The following KCNN2 variants were observed in gnomAD, a reference collection of about 807,000 sequenced individuals.
KCNN2 encodes small conductance calcium-activated potassium channel protein 2.
Under a neutral mutation model 55.5 loss-of-function variants are expected in KCNN2, and 24 were observed. The ratio of observed to expected loss-of-function variants is 0.43; its 90% CI spans 0.31 to 0.61. The LOEUF is 0.61. Among genes scored for constraint, KCNN2 ranks in the 20% least tolerant of loss-of-function variants. The pLI, the probability that KCNN2 is intolerant of heterozygous loss-of-function variation, is 0.08. For synonymous variants in KCNN2, 431 were observed against 336.1 expected (o/e 1.28, Z -3.09); for missense variants, 754 against 853.6 (o/e 0.88, Z 1.45).
At chr5:114,248,814 G>A (rs1754800225) in intron 2 of KCNN2, among the ~76,000 whole-genome samples, 1 of 152,040 alleles carries the variant, frequency 6.6e-6, no homozygotes, top group Non-Finnish European at 1.5e-5. Context: ...ATTTTTTTAA[G>A]TTGCCCCTAT....
intron 1 of KCNN2, among the ~76,000 whole-genome samples, chr5:114,151,501 G>A (rs1752522941): frequency 1.3e-5 from 2 of 151,552 alleles, no homozygotes; most frequent in Admixed American, 6.6e-5. Flanking sequence ...TCTTTCCATG[G>A]CAATTTCAGT....
At chr5:114,242,692 A>T (rs544066008) in intron 2 of KCNN2, among the ~76,000 whole-genome samples, 1 of 152,324 alleles carries the variant, frequency 6.6e-6, no homozygotes, top group Non-Finnish European at 1.5e-5. Flanking sequence ...ATCGATCTCT[A>T]GGTATTGGTA....
At chr5:114,429,634 G>A (rs62379173) in intron 3 of KCNN2, among the ~76,000 whole-genome samples, 11,131 of 151,946 alleles carry the variant, frequency 0.073, 509 homozygotes, top group Non-Finnish European at 0.098. Context: ...GTTTTCTTCC[G>A]TGGATTGTGC....
At chr5:114,076,349 T>C (rs1393247464) in intron 1 of KCNN2, among the ~76,000 whole-genome samples, 1 of 152,220 alleles carries the variant, frequency 6.6e-6, no homozygotes. Flanking sequence ...ATCCAACTCA[T>C]TTTGGGATCT....
chr5:114,077,840 G>A (rs1386463), intron 1 of KCNN2, among the ~76,000 whole-genome samples: 4 of 151,982 alleles, frequency 2.6e-5, no homozygotes, highest in African/African-American at 9.7e-5. Flanking sequence ...ATCAGAGAAG[G>A]GGGGTGGTGA....
intron 7 of KCNN2, among the ~76,000 whole-genome samples, chr5:114,494,713 G>A (rs945149788): frequency 4.0e-5 from 6 of 151,800 alleles, no homozygotes; most frequent in African/African-American, 7.3e-5. Flanking sequence ...TTATGACCAC[G>A]GGACTGTACA....
At chr5:114,418,793 T>C (rs951526930) in intron 3 of KCNN2, among the ~76,000 whole-genome samples, 2 of 152,326 alleles carry the variant, frequency 1.3e-5, no homozygotes, top group Middle Eastern at 3.4e-3. Flanking sequence ...GCCCCACTAA[T>C]AGGAACAGCG....
intron 1 of KCNN2, among the ~76,000 whole-genome samples, chr5:114,060,838 A>G (rs756105825): frequency 7.9e-5 from 12 of 152,240 alleles, no homozygotes; most frequent in Non-Finnish European, 1.8e-4. Context: ...ATTATTTTCC[A>G]AGCCATTTAA....
chr5:114,293,916 C>G (rs1226788144), intron 2 of KCNN2, among the ~76,000 whole-genome samples: 1 of 152,180 alleles, frequency 6.6e-6, no homozygotes, highest in Non-Finnish European at 1.5e-5. Context: ...CTGGTTCAGT[C>G]TTGGGAGGGT....
chr5:114,240,885 A>T (rs966392697), intron 2 of KCNN2, among the ~76,000 whole-genome samples: 2 of 151,784 alleles, frequency 1.3e-5, no homozygotes, highest in Non-Finnish European at 2.9e-5. Flanking sequence ...AAAAGAATTT[A>T]AAAAATTATC....
At chr5:114,101,192 C>T (rs2974486) in intron 1 of KCNN2, among the ~76,000 whole-genome samples, 77,657 of 151,594 alleles carry the variant, frequency 0.51, 21,213 homozygotes, top group African/African-American at 0.72. Context: ...CTGTGGTCCA[C>T]TTTTAAATCT....
At chr5:114,435,718 A>C (rs915505399) in intron 3 of KCNN2, among the ~76,000 whole-genome samples, 1 of 152,106 alleles carries the variant, frequency 6.6e-6, no homozygotes, top group Non-Finnish European at 1.5e-5. Context: ...CATTCTTTTC[A>C]TTTAAGCATT....
intron 1 of KCNN2, among the ~76,000 whole-genome samples, chr5:114,127,126 T>C (rs1197585202): frequency 6.6e-5 from 10 of 152,098 alleles, no homozygotes; most frequent in Non-Finnish European, 7.4e-5. Flanking sequence ...TCCAGGTGCA[T>C]GGTGCAAGCT....
chr5:114,343,536 T>A (rs907460913), intron 2 of KCNN2, among the ~76,000 whole-genome samples: 23 of 152,002 alleles, frequency 1.5e-4, no homozygotes, highest in Non-Finnish European at 1.5e-5. Flanking sequence ...AAATAATACA[T>A]ACAGTATTTT....
At chr5:114,177,203 T>G (rs1303794904) in intron 1 of KCNN2, among the ~76,000 whole-genome samples, 3 of 150,890 alleles carry the variant, frequency 2.0e-5, no homozygotes, top group Non-Finnish European at 4.4e-5. Context: ...AGTGGCGCGA[T>G]CTCGGCTCAC....
chr5:114,112,400 C>G (rs1457094839), intron 1 of KCNN2, among the ~76,000 whole-genome samples: 1 of 152,104 alleles, frequency 6.6e-6, no homozygotes, highest in Non-Finnish European at 1.5e-5. Flanking sequence ...CTGGGTGCAG[C>G]AAACCAACAT....
At chr5:114,365,808 CAG>C (rs1370747237) in intron 2 of KCNN2, among the ~76,000 whole-genome samples, 2 of 152,114 alleles carry the variant, frequency 1.3e-5, no homozygotes, top group African/African-American at 4.8e-5. Context: ...GTTTGGAGGA[CAG>C]AGTCGTTTTG....
At chr5:114,271,871 AT>A (rs1755345363) in intron 2 of KCNN2, among the ~76,000 whole-genome samples, 1 of 152,144 alleles carries the variant, frequency 6.6e-6, no homozygotes, top group African/African-American at 2.4e-5. Flanking sequence ...TCTCAACTTT[AT>A]CACCTATAAA....
intron 1 of KCNN2, among the ~76,000 whole-genome samples, chr5:114,089,384 G>A (rs965775642): frequency 3.3e-5 from 5 of 152,068 alleles, no homozygotes; most frequent in South Asian, 4.2e-4. Context: ...TGAGTGTGAC[G>A]TCTTCAATCT....
Sources: gnomAD v4.1 joint callset for allele counts (sites outside exome capture counted in the v4.1 genomes callset) on GRCh38, gnomAD v4.1.1 for gene constraint, MANE v1.5 for transcripts, NCBI Gene and HGNC (gene_info 2026-07-23, HGNC 2026-07-21) for gene names.